The following MBNL2 variants were observed in gnomAD, a reference collection of about 807,000 sequenced individuals.
MBNL2 encodes the protein muscleblind-like protein 2.
In MBNL2, 17 loss-of-function variants were observed where a neutral mutation model predicts 41.9. The observed-to-expected ratio is 0.41, with a 90% CI of 0.28 to 0.61. The LOEUF is 0.61. MBNL2 is among the 20% of genes least tolerant of loss of function. MBNL2 has a pLI of 0.35. For missense variants in MBNL2, 336 were observed against 505.6 expected (o/e 0.66, Z 3.22); for synonymous variants, 195 against 182.9 (o/e 1.07, Z -0.53).
intron 1 of MBNL2, among the ~76,000 whole-genome samples, chr13:97,242,525 C>G (rs929206353): frequency 6.6e-6 from 1 of 152,156 alleles, no homozygotes; most frequent in Non-Finnish European, 1.5e-5. Flanking sequence ...AAAATATAAT[C>G]CTGACCCTGA....
At chr13:97,170,136 T>A in the MBNL2 span, among the ~76,000 whole-genome samples, 1 of 152,240 alleles carries the variant, frequency 6.6e-6, no homozygotes. Context: ...GTGACTAGAA[T>A]GTCAATTTCC....
chr13:97,214,263 T>C, the MBNL2 span, among the ~76,000 whole-genome samples: 3 of 152,206 alleles, frequency 2.0e-5, no homozygotes, highest in Non-Finnish European at 2.9e-5. Flanking sequence ...TTCGACTCTT[T>C]CCTGGTTTTT....
At chr13:97,362,172 G>T (rs1402658715) in intron 7 of MBNL2, among the ~76,000 whole-genome samples, 1 of 152,010 alleles carries the variant, frequency 6.6e-6, no homozygotes, top group Non-Finnish European at 1.5e-5. Context: ...GGAATATTTG[G>T]ATTACATTAA....
At chr13:97,290,304 C>T (rs922019509) in intron 2 of MBNL2, among the ~76,000 whole-genome samples, 5 of 150,324 alleles carry the variant, frequency 3.3e-5, no homozygotes, top group Non-Finnish European at 7.4e-5. Context: ...GGAAATACAG[C>T]ATGTTAGAAA....
At chr13:97,196,744 G>A in the MBNL2 span, among the ~76,000 whole-genome samples, 4 of 152,154 alleles carry the variant, frequency 2.6e-5, no homozygotes, top group Non-Finnish European at 5.9e-5. Context: ...GTGTGAAGGA[G>A]AGACAAAGAA....
intron 2 of MBNL2, among the ~76,000 whole-genome samples, chr13:97,293,864 T>C (rs1293629375): frequency 6.6e-6 from 1 of 152,178 alleles, no homozygotes; most frequent in Non-Finnish European, 1.5e-5. Flanking sequence ...GAGTAAGTTC[T>C]TTACTGGTGA....
chr13:97,241,780 C>T (rs2044328201), intron 1 of MBNL2, among the ~76,000 whole-genome samples: 1 of 152,146 alleles, frequency 6.6e-6, no homozygotes, highest in Non-Finnish European at 1.5e-5. Flanking sequence ...ATACTTGCTG[C>T]TTCATTTAAG....
intron 8 of MBNL2, among the ~76,000 whole-genome samples, chr13:97,375,668 C>T (rs183898142): frequency 1.1e-3 from 175 of 152,326 alleles, no homozygotes; most frequent in African/African-American, 3.8e-3. Context: ...TTGGTCACAG[C>T]TCCAGTAGGT....
At chr13:97,311,913 C>T (rs1457901958) in intron 2 of MBNL2, among the ~76,000 whole-genome samples, 1 of 152,206 alleles carries the variant, frequency 6.6e-6, no homozygotes, top group Non-Finnish European at 1.5e-5. Flanking sequence ...CATTCCATTA[C>T]AGATAGTCCT....
chr13:97,263,515 T>C (rs930357887), intron 1 of MBNL2, among the ~76,000 whole-genome samples: 3 of 152,206 alleles, frequency 2.0e-5, no homozygotes, highest in Admixed American at 2.0e-4. Context: ...AAAAAAATTG[T>C]CCAAATGCCT....
At chr13:97,258,961 A>C (rs565412676) in intron 1 of MBNL2, among the ~76,000 whole-genome samples, 7 of 152,286 alleles carry the variant, frequency 4.6e-5, no homozygotes, top group Admixed American at 2.6e-4. Flanking sequence ...ACTTCGAGAT[A>C]TGTTAACCCC....
chr13:97,374,063 ATTTTTTTTTTTTT>A (rs61185219), intron 8 of MBNL2, among the ~76,000 whole-genome samples: 1 of 63,128 alleles, frequency 1.6e-5, no homozygotes, highest in Non-Finnish European at 3.1e-5. Context: ...CCTCCTTTGC[ATTTTTTTTTTTTT>A]TTTTTTTTTT....
intron 1 of MBNL2, among the ~76,000 whole-genome samples, chr13:97,253,764 T>G (rs2047018573): frequency 7.6e-6 from 1 of 131,988 alleles, no homozygotes; most frequent in Non-Finnish European, 1.5e-5. Context: ...TAATACGTAT[T>G]AATTTATTAA....
chr13:97,223,350 G>A (rs921918373), intron 1 of MBNL2, among the ~76,000 whole-genome samples: 1 of 152,238 alleles, frequency 6.6e-6, no homozygotes, highest in African/African-American at 2.4e-5. Flanking sequence ...AGTGAGAAAT[G>A]ATGGAGAAGA....
chr13:97,344,472 T>A (rs1403524969), intron 4 of MBNL2, among the ~76,000 whole-genome samples: 1 of 152,254 alleles, frequency 6.6e-6, no homozygotes, highest in Non-Finnish European at 1.5e-5. Context: ...AATGTGCATT[T>A]GTTTAAATAT....
At chr13:97,228,479 C>T (rs1028580001) in intron 1 of MBNL2, among the ~76,000 whole-genome samples, 1 of 150,680 alleles carries the variant, frequency 6.6e-6, no homozygotes, top group Admixed American at 6.6e-5. Context: ...GTGATAGTAA[C>T]ATATATATAT....
At chr13:97,151,833 A>T in the MBNL2 span, among the ~76,000 whole-genome samples, 2 of 152,312 alleles carry the variant, frequency 1.3e-5, no homozygotes, top group East Asian at 3.9e-4. Context: ...GAATGGTTGG[A>T]GAAGATATGG....
chr13:97,299,701 G>C (rs1390984581), intron 2 of MBNL2, among the ~76,000 whole-genome samples: 1 of 136,788 alleles, frequency 7.3e-6, no homozygotes, highest in Non-Finnish European at 1.6e-5. Flanking sequence ...CTATATCCAA[G>C]ATTACAAACA....
In MBNL2 at chr13:97,347,751, G is replaced by A. The variant is rs147999631; in HGVS notation, c.804+684G>A. ...CCAGCAGTACATCATCATTATCATC[G>A]CCTGGGAGCCTGCTCAGAATCTCGG... On this transcript the variant is annotated intron_variant, in intron 5 of 8. Coordinates refer to ENST00000679496, the MANE Select transcript of MBNL2 (RefSeq NM_001382683.1). 2.5e-3 allele frequency among the ~76,000 whole-genome samples: 379 copies of A among 152,136 alleles called. 2 individuals are homozygous for A. The highest frequency in any genetic ancestry group is 8.7e-3 in the African/African-American group (359 of 41,492).
Sources: gnomAD v4.1 joint callset for allele counts (sites outside exome capture counted in the v4.1 genomes callset) on GRCh38, gnomAD v4.1.1 for gene constraint, MANE v1.5 for transcripts, NCBI Gene and HGNC (gene_info 2026-07-23, HGNC 2026-07-21) for gene names.